Variants in RIPOR3 observed in about 807,000 individuals in gnomAD.
RIPOR3 encodes the protein family with sequence similarity 65 member C.
A neutral mutation model predicts 114.3 loss-of-function variants in RIPOR3; 95 were observed. The ratio of observed to expected loss-of-function variants is 0.83; its 90% CI spans 0.70 to 0.99. RIPOR3 has a LOEUF of 0.99. RIPOR3 is among the 50% of genes least tolerant of loss of function. The pLI is 0.00. For synonymous variants in RIPOR3, 575 were observed against 543.8 expected (o/e 1.06, Z -0.80); for missense variants, 1,252 against 1,266.9 (o/e 0.99, Z 0.18).
At chr20:50,649,531 A>G (rs2085527860) in intron 1 of RIPOR3, among the ~76,000 whole-genome samples, 1 of 152,170 alleles carries the variant, frequency 6.6e-6, no homozygotes. Flanking sequence ...TTCCCTCTGG[A>G]GAGCATGGAC....
At chr20:50,599,593 AC>A (rs2083425331) in intron 13 of RIPOR3, among the ~76,000 whole-genome samples, 1 of 152,134 alleles carries the variant, frequency 6.6e-6, no homozygotes, top group African/African-American at 2.4e-5. Flanking sequence ...GAAACTGTCA[AC>A]AAAAAGCACA....
chr20:50,637,291 G>GC (rs561449436), intron 1 of RIPOR3, among the ~76,000 whole-genome samples: 108 of 152,134 alleles, frequency 7.1e-4, no homozygotes, highest in African/African-American at 2.2e-3. Context: ...CTCAGCTGGA[G>GC]CCCCCCTCCA....
At chr20:50,632,846 G>A (rs905925340) in intron 1 of RIPOR3, among the ~76,000 whole-genome samples, 1 of 152,210 alleles carries the variant, frequency 6.6e-6, no homozygotes. Context: ...GAGGATGCCC[G>A]ATGTCAGAGC....
intron 11 of RIPOR3, 77 bp downstream of exon 11, chr20:50,608,311 AC>A (rs2083802303): frequency 6.3e-7 from 1 of 1,589,104 alleles, no homozygotes. Context: ...TGGTGCAGGA[AC>A]CCAGGGCCAG....
At position 50,691,143 on chromosome 20, in the gene RIPOR3, C is replaced by T; in HGVS notation, c.-15G>A. ...ACACTCACCATCGAGCAGGTCTGGACACTCGAGTGCAGTCCCGCCGCCCTC... is the reference window on the plus strand; with the variant it reads ...ACACTCACCATCGAGCAGGTCTGGATACTCGAGTGCAGTCCCGCCGCCCTC... On this transcript the variant is annotated 5_prime_UTR_variant, in exon 1 of 22. Transcript: ENST00000327979. 1 of 1,289,490 alleles carries T rather than the reference C, an allele frequency of 7.8e-7. No individual in the cohort carries two copies. The highest frequency in any genetic ancestry group is 1.0e-6 in the Non-Finnish European group (1 of 988,878). The allele number at this position is 1,289,490 out of a possible 1,614,324, so 79.9% of individuals were successfully genotyped here.
chr20:50,631,584 A>G (rs1247926332), intron 1 of RIPOR3, among the ~76,000 whole-genome samples: 5 of 152,136 alleles, frequency 3.3e-5, no homozygotes, highest in South Asian at 2.1e-4. Flanking sequence ...TGGCCTTACA[A>G]TGGGGCAAGG....
chr20:50,646,742 G>C lies in RIPOR3; in HGVS notation c.4-15886C>G, dbSNP rs544131369. Among the ~76,000 whole-genome samples, 4 of 152,304 alleles carry C rather than the reference G, an allele frequency of 2.6e-5. No homozygotes were observed. The East Asian group carries it at 7.7e-4, about 29-fold the overall frequency. On this transcript the variant is annotated intron_variant, in intron 1 of 21. Coordinates refer to ENST00000327979, the MANE Select transcript of RIPOR3 (RefSeq NM_001290268.2). ...CCTAACAGCCTGAAATAAACAGCTT[G>C]TGCTGGGATTGTAATTCTAGAGTTT...
Position 50,691,478 on chromosome 20 carries a change from T to TC in RIPOR3, c.-351dup, listed in dbSNP as rs1373196662. On this transcript the variant is annotated 5_prime_UTR_variant, in exon 1 of 22. Transcript: ENST00000327979. Reference sequence around the variant, plus strand: ...CCTGGGGCCCCCCAGCCGGCCCCGCTCCCCCCGGATGCCGCCTGCTGCTCT... The same window carrying TC: ...CCTGGGGCCCCCCAGCCGGCCCCGCTCCCCCCCGGATGCCGCCTGCTGCTCT... 2 of 211,650 alleles carry TC rather than the reference T, an allele frequency of 9.4e-6. No individual in the cohort carries two copies. The highest frequency in any genetic ancestry group is 5.8e-5 in the South Asian group (1 of 17,272). The allele number at this position is 211,650 out of a possible 1,614,324, so 13.1% of individuals were successfully genotyped here. A position where few individuals can be genotyped will look rare whatever the true frequency, so the allele number is the denominator to read the frequency against.
At chr20:50,615,724 C>T (rs2084149463) in intron 4 of RIPOR3, among the ~76,000 whole-genome samples, 1 of 152,084 alleles carries the variant, frequency 6.6e-6, no homozygotes, top group South Asian at 2.1e-4. Context: ...TGGCCAAGGT[C>T]TATAAAATAG....
At chr20:50,632,787 A>G (rs1489353415) in intron 1 of RIPOR3, among the ~76,000 whole-genome samples, 1 of 152,240 alleles carries the variant, frequency 6.6e-6, no homozygotes, top group African/African-American at 2.4e-5. Context: ...AGGTGATGAG[A>G]CTAGCCCAGG....
intron 14 of RIPOR3, 59 bp from the exon 15 acceptor site, chr20:50,596,322 G>T: frequency 6.2e-7 from 1 of 1,605,934 alleles, no homozygotes; most frequent in Non-Finnish European, 8.5e-7. Context: ...CCCTCTGAGG[G>T]TGGGGGAACC....
At chr20:50,643,758 T>G (rs1236365238) in intron 1 of RIPOR3, among the ~76,000 whole-genome samples, 1 of 145,694 alleles carries the variant, frequency 6.9e-6, no homozygotes, top group African/African-American at 2.5e-5. Context: ...CAGGCTGGAG[T>G]GCAGTGGTGC....
intron 17 of RIPOR3, 145 bp downstream of exon 17, chr20:50,594,408 C>T: frequency 1.0e-6 from 1 of 989,254 alleles, no homozygotes; most frequent in Non-Finnish European, 1.5e-6. Flanking sequence ...CGCACTGAAG[C>T]TGAGAAAGCT....
At chr20:50,646,859 G>A (rs923841054) in intron 1 of RIPOR3, among the ~76,000 whole-genome samples, 1 of 152,172 alleles carries the variant, frequency 6.6e-6, no homozygotes, top group Non-Finnish European at 1.5e-5. Context: ...AAACATTCTT[G>A]CTTGGGTCTA....
Position 50,671,982 on chromosome 20 carries a change from GTGGA to G in RIPOR3, c.3+19140_3+19143del, listed in dbSNP as rs71190589. Among the ~76,000 whole-genome samples the G allele has an allele frequency of 3.0e-3, 410 of 137,196 alleles. 4 individuals carry two copies. The highest frequency in any genetic ancestry group is 0.011 in the African/African-American group (397 of 36,136). The allele number at this position is 137,196 out of a possible 152,430, so 90.0% of individuals were successfully genotyped here. ...GTTAGGTGGATAGGTGGATGGGTGCGTGGATGGATGGATGGATGGATGGATGGAT... is the reference window on the plus strand; with the variant it reads ...GTTAGGTGGATAGGTGGATGGGTGCGTGGATGGATGGATGGATGGATGGAT... On this transcript the variant is annotated intron_variant, in intron 1 of 21. Transcript: ENST00000327979.
intron 2 of RIPOR3, among the ~76,000 whole-genome samples, chr20:50,621,816 C>T (rs2084417764): frequency 6.6e-6 from 1 of 152,154 alleles, no homozygotes; most frequent in African/African-American, 2.4e-5. Flanking sequence ...TTAGCTTAAG[C>T]CAGCTGGAGT....
chr20:50,589,416 G>A (rs908325496), intron 20 of RIPOR3, among the ~76,000 whole-genome samples: 2 of 151,716 alleles, frequency 1.3e-5, no homozygotes, highest in Admixed American at 6.6e-5. Flanking sequence ...CAAGTCCCGA[G>A]TAGCTGGGAC....
intron 1 of RIPOR3, among the ~76,000 whole-genome samples, chr20:50,677,858 C>A (rs1484619068): frequency 6.6e-6 from 1 of 150,634 alleles, no homozygotes; most frequent in East Asian, 2.0e-4. Context: ...TTAGTAGAGA[C>A]GGGGTTTCAC....
Position 50,621,100 on chromosome 20 carries a change from G to A in RIPOR3, c.123-968C>T, listed in dbSNP as rs554623423. On this transcript the variant is annotated intron_variant, in intron 2 of 21. Coordinates refer to ENST00000327979, the MANE Select transcript of RIPOR3 (RefSeq NM_001290268.2). ...TGAGCCCCCTCCCCTGCCCTCTCCC[G>A]GAAATATAGAACAGCTTGACAAAAA... is the stretch of plus-strand genomic sequence containing the variant. 40 of 300,842 alleles carry A rather than the reference G, an allele frequency of 1.3e-4. 1 individual carries two copies. Among genetic ancestry groups the A allele is most frequent in the Admixed American group, 6.1e-4 (13 of 21,274 alleles). 18.6% of individuals were successfully genotyped at this position (300,842 alleles called of 1,614,324 possible). A position where few individuals can be genotyped will look rare whatever the true frequency, so the allele number is the denominator to read the frequency against.
Sources: allele counts gnomAD v4.1 joint callset (sites outside exome capture counted in the v4.1 genomes callset), GRCh38; gene constraint gnomAD v4.1.1; transcripts MANE v1.5; gene names NCBI Gene and HGNC (gene_info 2026-07-23, HGNC 2026-07-21).